Variants in SLC24A2 observed in about 807,000 individuals in gnomAD.
SLC24A2 encodes solute carrier family 24 member 2, also known as sodium/potassium/calcium exchanger 2.
In SLC24A2, 36 loss-of-function variants were observed where a neutral mutation model predicts 62.0. That is an observed-to-expected ratio of 0.58 (90% CI 0.44 to 0.77). The LOEUF (loss-of-function observed/expected upper bound fraction) is 0.77. Ranked by LOEUF, SLC24A2 falls within the 30% of genes least tolerant of loss-of-function variation. The probability of loss-of-function intolerance (pLI) is 0.00; values close to 1 mark genes in which losing one functional copy is unlikely to be tolerated. For synonymous variants in SLC24A2, 358 were observed against 294.0 expected (o/e 1.22, Z -2.23); for missense variants, 846 against 817.9 (o/e 1.03, Z -0.42).
chr9:20,297,471 C>G, the SLC24A2 span, among the ~76,000 whole-genome samples: 1 of 152,208 alleles, frequency 6.6e-6, no homozygotes, highest in Non-Finnish European at 1.5e-5. Context: ...GGAATATAAA[C>G]TGGCCCTGAA....
the SLC24A2 span, among the ~76,000 whole-genome samples, chr9:19,886,687 C>G: frequency 6.6e-6 from 1 of 152,192 alleles, no homozygotes; most frequent in Admixed American, 6.5e-5. Flanking sequence ...TTTGACCCAG[C>G]AATCCCATTA....
chr9:19,834,237 C>T, the SLC24A2 span, among the ~76,000 whole-genome samples: 11 of 152,206 alleles, frequency 7.2e-5, no homozygotes, highest in South Asian at 2.1e-4. Flanking sequence ...ATGACTTTGA[C>T]AAGCTGAGAG....
chr9:19,539,315 C>A (rs1467945231), intron 8 of SLC24A2, among the ~76,000 whole-genome samples: 1 of 133,924 alleles, frequency 7.5e-6, no homozygotes, highest in Admixed American at 7.7e-5. Flanking sequence ...AATTTTGGAT[C>A]TTTCCTGCTT....
chr9:19,932,456 C>T, the SLC24A2 span, among the ~76,000 whole-genome samples: 1 of 152,178 alleles, frequency 6.6e-6, no homozygotes, highest in Admixed American at 6.5e-5. Context: ...GCTAATGAAG[C>T]AGCTGTAGCC....
chr9:19,733,293 G>T (rs968387699), intron 2 of SLC24A2, among the ~76,000 whole-genome samples: 3 of 152,126 alleles, frequency 2.0e-5, no homozygotes, highest in African/African-American at 4.8e-5. Context: ...TTTGGATATT[G>T]TCAGAACATT....
chr9:19,913,096 C>G, the SLC24A2 span, among the ~76,000 whole-genome samples: 1 of 152,028 alleles, frequency 6.6e-6, no homozygotes, highest in African/African-American at 2.4e-5. Context: ...GTTTCTATCA[C>G]TTCTACATTC....
chr9:19,664,384 G>A (rs1031079569), intron 2 of SLC24A2, among the ~76,000 whole-genome samples: 2 of 152,200 alleles, frequency 1.3e-5, no homozygotes, highest in African/African-American at 4.8e-5. Flanking sequence ...TTTACAGCAT[G>A]GTATCTGTGA....
In SLC24A2 at chr9:19,513,690, A is replaced by C. The variant is rs1832819905; in HGVS notation, c.*2463T>G. The C allele has an allele frequency of 2.0e-5, 3 of 152,172 alleles. 1 individual carries two copies. In the South Asian group the frequency reaches 6.2e-4, roughly 32 times the overall value. The allele number at this position is 152,172 out of a possible 1,614,324, so 9.4% of individuals were successfully genotyped here. A position where few individuals can be genotyped will look rare whatever the true frequency, so the allele number is the denominator to read the frequency against. ...AGAGGGCGGCATCAGGTCTCCTTCA[A>C]CTTCTGTTTTACATGGTCTGTTTGC... On this transcript the variant is annotated 3_prime_UTR_variant, in exon 11 of 11. Coordinates refer to ENST00000341998, the MANE Select transcript of SLC24A2 (RefSeq NM_020344.4).
At position 19,620,615 on chromosome 9, in the gene SLC24A2, A is replaced by G. The variant is rs2117900340; in HGVS notation, c.970-923T>C. On this transcript the variant is annotated intron_variant, in intron 3 of 10. Transcript: ENST00000341998. ...CTATCTTCAAAAGCAAACAACCTAAAAACTCCCAAACCCTCTGTATTTTGA... is the reference window on the plus strand; with the variant it reads ...CTATCTTCAAAAGCAAACAACCTAAGAACTCCCAAACCCTCTGTATTTTGA... Among the ~76,000 whole-genome samples the G allele has an allele frequency of 1.3e-5, 2 of 152,244 alleles. 1 individual carries two copies.
the SLC24A2 span, among the ~76,000 whole-genome samples, chr9:20,152,761 C>T: frequency 6.6e-6 from 1 of 151,814 alleles, no homozygotes. Context: ...ACTCTGTAAC[C>T]TCTCCTCCTT....
the SLC24A2 span, among the ~76,000 whole-genome samples, chr9:20,133,684 A>G: frequency 6.6e-6 from 1 of 152,168 alleles, no homozygotes; most frequent in Non-Finnish European, 1.5e-5. Context: ...ATTGGTATAC[A>G]TTGCCAAAGT....
At chr9:19,766,866 G>T (rs1350158045) in intron 2 of SLC24A2, among the ~76,000 whole-genome samples, 1 of 152,194 alleles carries the variant, frequency 6.6e-6, no homozygotes, top group Non-Finnish European at 1.5e-5. Context: ...AGGCAGGGAC[G>T]TTTAAGTCTG....
In SLC24A2 at chr9:19,786,033, A is replaced by T; in HGVS notation, c.834T>A (p.Val278=). 2 of 1,614,108 alleles carry T rather than the reference A, an allele frequency of 1.2e-6. No homozygotes were observed. Among genetic ancestry groups the T allele is most frequent in the Non-Finnish European group, 1.7e-6 (2 of 1,179,956 alleles). ...CTACTTGGACGTTGAATTTCATGAA[A>T]ACCACATAGCAAAAATAAGCTGTTA... ...LLLTAYFCYV[V]FMKFNVQVEK... is the part of the protein sequence containing the mutation. Residue 278 remains valine (V), a synonymous_variant, in exon 2 of 11, where the codon GTT becomes GTA. Coordinates refer to ENST00000341998, the MANE Select transcript of SLC24A2 (RefSeq NM_020344.4). This position sits in a 1 kb window ranked among gnomAD's most constrained non-coding sequence, Gnocchi z 5.0.
the SLC24A2 span, among the ~76,000 whole-genome samples, chr9:19,801,277 A>C: frequency 6.6e-6 from 1 of 152,226 alleles, no homozygotes; most frequent in Non-Finnish European, 1.5e-5. Context: ...CTCGATTAGG[A>C]TGAACCCAGG....
At chr9:20,229,569 A>G in the SLC24A2 span, among the ~76,000 whole-genome samples, 1 of 152,086 alleles carries the variant, frequency 6.6e-6, no homozygotes, top group African/African-American at 2.4e-5. Flanking sequence ...GGGATACAAA[A>G]AGTAACATTA....
At chr9:20,092,453 A>AT in the SLC24A2 span, among the ~76,000 whole-genome samples, 4 of 150,898 alleles carry the variant, frequency 2.7e-5, no homozygotes, top group East Asian at 3.9e-4. Flanking sequence ...AGACTTTTTT[A>AT]TTTTTTTTAA....
the SLC24A2 span, among the ~76,000 whole-genome samples, chr9:20,087,302 T>A: frequency 6.6e-6 from 1 of 152,222 alleles, no homozygotes; most frequent in African/African-American, 2.4e-5. Context: ...AGCTTTTCTA[T>A]AGTACAGCTA....
the SLC24A2 span, among the ~76,000 whole-genome samples, chr9:20,139,137 A>G: frequency 3.3e-5 from 5 of 152,122 alleles, no homozygotes; most frequent in Non-Finnish European, 7.4e-5. Flanking sequence ...TTTTTTTGCC[A>G]TTTTGAAAGT....
chr9:20,183,963 G>A, the SLC24A2 span, among the ~76,000 whole-genome samples: 29 of 152,270 alleles, frequency 1.9e-4, no homozygotes, highest in African/African-American at 6.3e-4. Context: ...AATCAACAGA[G>A]TGATTGAGAG....
Sources: allele counts gnomAD v4.1 joint callset (sites outside exome capture counted in the v4.1 genomes callset), GRCh38; gene constraint gnomAD v4.1.1; non-coding constraint Gnocchi (gnomAD v3.1); transcripts MANE v1.5; gene names NCBI Gene and HGNC (gene_info 2026-07-23, HGNC 2026-07-21).